Variants in PIK3C2G observed in about 807,000 individuals in gnomAD.
PIK3C2G encodes the protein phosphatidylinositol-4-phosphate 3-kinase catalytic subunit type 2 gamma, also known as phosphatidylinositol 3-kinase C2 domain-containing subunit gamma.
A neutral mutation model predicts 181.1 loss-of-function variants in PIK3C2G; 168 were observed. That is an observed-to-expected ratio of 0.93 (90% confidence interval 0.82 to 1.05). The LOEUF is 1.05. PIK3C2G is among the 50% of genes least tolerant of loss of function. PIK3C2G has a pLI of 0.00. For synonymous variants in PIK3C2G, 573 were observed against 592.2 expected, an observed-to-expected ratio of 0.97 and a Z score of 0.47; for missense variants, 1,869 against 1,732.8, an observed-to-expected ratio of 1.08 and a Z score of -1.40.
At chr12:18,721,499 A>G in the PIK3C2G span, among the ~76,000 whole-genome samples, 1 of 152,058 alleles carries the variant, frequency 6.6e-6, no homozygotes, top group Non-Finnish European at 1.5e-5. Flanking sequence ...ACACAATTCC[A>G]AAGTGTCACT....
chr12:18,258,361 T>G (rs1298552159), upstream of PIK3C2G, among the ~76,000 whole-genome samples: 1 of 152,100 alleles, frequency 6.6e-6, no homozygotes, highest in African/African-American at 2.4e-5. Context: ...ATAATGACTA[T>G]GTTGCACAAT....
chr12:18,298,394 T>A (rs1950031927), intron 5 of PIK3C2G, among the ~76,000 whole-genome samples: 1 of 137,610 alleles, frequency 7.3e-6, no homozygotes, highest in African/African-American at 2.6e-5. Context: ...TCATTTTTAG[T>A]TTGTGTGTTT....
the PIK3C2G span, chr12:18,715,734 G>C: frequency 0.21 from 31,860 of 152,030 alleles, 3,651 homozygotes; most frequent in East Asian, 0.42. Flanking sequence ...AGTCCTAGAC[G>C]CAAGTCATCA....
chr12:18,416,332 A>G (rs558737000), intron 16 of PIK3C2G, among the ~76,000 whole-genome samples: 1 of 152,334 alleles, frequency 6.6e-6, no homozygotes, highest in Non-Finnish European at 1.5e-5. Flanking sequence ...GAAAGTGCTG[A>G]TGTAGAAGCT....
intron 1 of PIK3C2G, among the ~76,000 whole-genome samples, chr12:18,252,791 G>T (rs539998335): frequency 1.3e-5 from 2 of 152,312 alleles, no homozygotes; most frequent in East Asian, 1.9e-4. Context: ...GGAAGGCAGA[G>T]AATTCTTTTA....
At chr12:18,671,834 T>C in the PIK3C2G span, among the ~76,000 whole-genome samples, 61,130 of 151,992 alleles carry the variant, frequency 0.4, 14,360 homozygotes, top group South Asian at 0.6. Context: ...TCTCACAGTT[T>C]TGGAGTTTGA....
rs745527381 is a variant in PIK3C2G at position 18,424,047 on chromosome 12, TAACTAA to T, written c.2504+10_2504+15del. On this transcript the variant is annotated intron_variant, in intron 18 of 32. Transcript: ENST00000538779. ...TGCCCATCGTCTTTACTGGTAAGAT[TAACTAA>T]ATCAGGCAAGGATGCCTTTTTAATT... 6.3e-7 allele frequency: 1 copy of T among 1,576,464 alleles called. No individual in the cohort carries two copies. The highest frequency in any genetic ancestry group is 1.7e-5 in the Admixed American group (1 of 58,970).
chr12:18,688,051 G>T, the PIK3C2G span: 2 of 1,603,456 alleles, frequency 1.2e-6, no homozygotes, highest in Admixed American at 3.3e-5. Flanking sequence ...CCAACAAGAA[G>T]TCTAATGGAA....
chr12:18,450,871 A>G (rs1222149501), intron 18 of PIK3C2G, among the ~76,000 whole-genome samples: 2 of 152,250 alleles, frequency 1.3e-5, no homozygotes, highest in South Asian at 2.1e-4. Flanking sequence ...AGGTTTGTCA[A>G]AGATCAGATG....
intron 6 of PIK3C2G, among the ~76,000 whole-genome samples, chr12:18,317,462 CAAAT>C (rs1373504888): frequency 1.3e-5 from 2 of 152,010 alleles, no homozygotes; most frequent in African/African-American, 4.8e-5. Context: ...ATTAATTTAA[CAAAT>C]AAAACTTGTT....
rs138884444 is a variant in PIK3C2G at position 18,360,195 on chromosome 12, T to C, written c.1626-2569T>C. On this transcript the variant is annotated intron_variant, in intron 11 of 32. Transcript: ENST00000538779. ...CATTTTGTGTTTACCATGAGTCTTA[T>C]ACAAAATATCTTATATTTATAACAA... is the stretch of plus-strand genomic sequence containing the variant. Among the ~76,000 whole-genome samples, 238 of 152,254 alleles carry C rather than the reference T, an allele frequency of 1.6e-3. 7 individuals carry two copies. In the East Asian group the frequency reaches 0.042, roughly 27 times the overall value.
intron 1 of PIK3C2G, among the ~76,000 whole-genome samples, chr12:18,271,277 T>C (rs995520335): frequency 1.3e-5 from 2 of 152,160 alleles, no homozygotes; most frequent in African/African-American, 4.8e-5. Context: ...TTAGAGACTT[T>C]CCTGCTAGTT....
At chr12:18,565,838 C>T (rs191079542) in intron 28 of PIK3C2G, among the ~76,000 whole-genome samples, 2 of 152,044 alleles carry the variant, frequency 1.3e-5, no homozygotes, top group African/African-American at 2.4e-5. Context: ...AAAACTCACA[C>T]GGACATGTGA....
intron 18 of PIK3C2G, among the ~76,000 whole-genome samples, chr12:18,455,365 T>C (rs1947571666): frequency 6.6e-6 from 1 of 151,804 alleles, no homozygotes; most frequent in Non-Finnish European, 1.5e-5. Flanking sequence ...GGGGTGGCGG[T>C]TGGTGGAGAA....
the PIK3C2G span, chr12:18,683,752 C>T: frequency 7.9e-6 from 5 of 634,304 alleles, no homozygotes; most frequent in Non-Finnish European, 1.3e-5. Context: ...AAAGGATAGT[C>T]TCAGGCTCCC....
chr12:18,428,169 A>G (rs1433989037), intron 18 of PIK3C2G, among the ~76,000 whole-genome samples: 1 of 151,958 alleles, frequency 6.6e-6, no homozygotes, highest in Non-Finnish European at 1.5e-5. Context: ...AATTATATTT[A>G]AAATATATCA....
At chr12:18,515,843 T>C (rs539588202) in intron 24 of PIK3C2G, among the ~76,000 whole-genome samples, 1 of 152,044 alleles carries the variant, frequency 6.6e-6, no homozygotes, top group African/African-American at 2.4e-5. Context: ...GATGTATGCA[T>C]TTATTAATAT....
chr12:18,702,822 T>TA, the PIK3C2G span, among the ~76,000 whole-genome samples: 8 of 146,190 alleles, frequency 5.5e-5, 1 homozygote, highest in Admixed American at 1.4e-4. Flanking sequence ...AAGTAACTTT[T>TA]TTTTTTTTTT....
At chr12:18,606,358 C>T (rs1204785969) in intron 30 of PIK3C2G, among the ~76,000 whole-genome samples, 1 of 152,058 alleles carries the variant, frequency 6.6e-6, no homozygotes, top group Non-Finnish European at 1.5e-5. Flanking sequence ...TGCCTCAAAA[C>T]GTCATCAGCA....
Sources: allele counts gnomAD v4.1 joint callset (sites outside exome capture counted in the v4.1 genomes callset), GRCh38; gene constraint gnomAD v4.1.1; transcripts MANE v1.5; gene names NCBI Gene and HGNC (gene_info 2026-07-23, HGNC 2026-07-21).